Variants in CEMIP observed in about 807,000 individuals in gnomAD.
CEMIP encodes cell migration inducing hyaluronidase 1.
In CEMIP, 105 loss-of-function variants were observed where a neutral mutation model predicts 156.9. That is an observed-to-expected ratio of 0.67 (90% CI 0.57 to 0.79). The LOEUF is 0.79. Ranked by LOEUF, CEMIP falls within the 30% of genes least tolerant of loss-of-function variation. The pLI is 0.00. For synonymous variants in CEMIP, 676 were observed against 668.4 expected (o/e 1.01, Z -0.17); for missense variants, 1,457 against 1,769.4 (o/e 0.82, Z 3.17).
intron 1 of CEMIP, among the ~76,000 whole-genome samples, chr15:80,793,097 A>T: frequency 6.6e-6 from 1 of 152,210 alleles, no homozygotes; most frequent in East Asian, 1.9e-4. Flanking sequence ...CCTGGCTCAG[A>T]ATATCACATT....
Position 80,879,757 on chromosome 15 carries a change from C to T in CEMIP, c.283C>T (p.Arg95Ter), listed in dbSNP as rs894403082. The change falls in exon 5 of 30, where the codon CGA becomes TGA. Residue 95 changes from arginine (R) to a stop codon, truncating the protein, a stop_gained. Transcript: ENST00000394685. LOFTEE classifies it high-confidence loss of function. ...IKDHDEPIVL[R>*]TRHILIDNGG... ...AGACCACGACGAGCCGATTGTTTTG[C>T]GAACCCGGCACATCCTGATTGACAA... 8 of 1,614,176 alleles carry T rather than the reference C, an allele frequency of 5.0e-6. No homozygotes were observed. Among genetic ancestry groups the T allele is most frequent in the East Asian group, 2.2e-5 (1 of 44,888 alleles).
In CEMIP at chr15:80,909,038, G is replaced by C. The variant is rs543877583; in HGVS notation, c.1588-59G>C. On this transcript the variant is annotated intron_variant, in intron 13 of 29. Coordinates refer to ENST00000394685, the MANE Select transcript of CEMIP (RefSeq NM_001293298.2). ...CTGCATCTTTGGAATATGGGCACCA[G>C]CCAGGGAAATCACAAAGCATCTCAT... 1.2e-4 allele frequency: 191 copies of C among 1,529,502 alleles called. 1 individual carries two copies. In the African/African-American group the frequency reaches 2.3e-3, roughly 18 times the overall value. The allele number at this position is 1,529,502 out of a possible 1,614,324, so 94.7% of individuals were successfully genotyped here. A position where few individuals can be genotyped will look rare whatever the true frequency, so the allele number is the denominator to read the frequency against.
intron 1 of CEMIP, among the ~76,000 whole-genome samples, chr15:80,793,074 A>G (rs1225194062): frequency 1.3e-5 from 2 of 152,236 alleles, no homozygotes; most frequent in Non-Finnish European, 2.9e-5. Flanking sequence ...CAGACTTGCT[A>G]GTATCTCTGT....
intron 1 of CEMIP, among the ~76,000 whole-genome samples, chr15:80,871,557 C>T (rs1311709310): frequency 6.6e-6 from 1 of 152,206 alleles, no homozygotes; most frequent in Admixed American, 6.5e-5. Flanking sequence ...GGTCACCCAA[C>T]AAGTTAGGGC....
intron 1 of CEMIP, among the ~76,000 whole-genome samples, chr15:80,780,031 G>A (rs573312229): frequency 2.0e-5 from 3 of 151,832 alleles, no homozygotes. Context: ...GTGTCCTGCC[G>A]ACTGGGAGCC....
rs573252247 is a variant in CEMIP at position 80,837,410 on chromosome 15, G to T, written c.-175-36128G>T. 3.3e-5 allele frequency among the ~76,000 whole-genome samples: 5 copies of T among 152,264 alleles called. No individual in the cohort carries two copies. In the South Asian group the frequency reaches 6.2e-4, roughly 19 times the overall value. ...GAAGAGGAGTTCAAAATGACAAGAC[G>T]CAAAGAACACCATTCTTTATGGCAA... On this transcript the variant is annotated intron_variant, in intron 1 of 29. Transcript: ENST00000394685.
intron 12 of CEMIP, chr15:80,900,981 T>C (rs1567091284): frequency 6.6e-6 from 3 of 455,706 alleles, no homozygotes; most frequent in East Asian, 7.0e-5. Flanking sequence ...GGGAAACAGA[T>C]GGGGGTAACA....
At chr15:80,852,913 G>A (rs961461481) in intron 1 of CEMIP, among the ~76,000 whole-genome samples, 1 of 152,128 alleles carries the variant, frequency 6.6e-6, no homozygotes, top group African/African-American at 2.4e-5. Flanking sequence ...TAGCTGAGGG[G>A]CAAAATGTCC....
rs11403997 is a variant in CEMIP, at chr15:80,866,786, TA to T, written c.-175-6738del. Among the ~76,000 whole-genome samples, 220 of 135,910 alleles carry T rather than the reference TA, an allele frequency of 1.6e-3. 1 individual carries two copies. The highest frequency in any genetic ancestry group is 7.0e-3 in the East Asian group (33 of 4,702). The allele number at this position is 135,910 out of a possible 152,430, so 89.2% of individuals were successfully genotyped here. On this transcript the variant is annotated intron_variant, in intron 1 of 29. Coordinates refer to ENST00000394685, the MANE Select transcript of CEMIP (RefSeq NM_001293298.2). ...GGGCAACAAGAACAAAACTCTGTCT[TA>T]AAAAAAAAAAAAAGACTCTATGGAT...
chr15:80,814,231 AG>A (rs1567056652), intron 1 of CEMIP, among the ~76,000 whole-genome samples: 1 of 151,712 alleles, frequency 6.6e-6, no homozygotes, highest in Middle Eastern at 3.2e-3. Context: ...TTGTATTTTT[AG>A]TAGAGACGGG....
At chr15:80,849,840 GC>G (rs917326317) in intron 1 of CEMIP, among the ~76,000 whole-genome samples, 2 of 152,176 alleles carry the variant, frequency 1.3e-5, no homozygotes, top group Non-Finnish European at 2.9e-5. Flanking sequence ...GCAAGTGAAG[GC>G]AGAGAGACAG....
chr15:80,929,501 A>G (rs561894186), intron 21 of CEMIP, among the ~76,000 whole-genome samples: 4 of 152,250 alleles, frequency 2.6e-5, no homozygotes, highest in African/African-American at 7.2e-5. Context: ...TCTCACTTGG[A>G]GTGTAGCATC....
chr15:80,895,835 G>A, intron 11 of CEMIP, 34 bp from the exon 12 acceptor site: 1 of 1,609,476 alleles, frequency 6.2e-7, no homozygotes, highest in African/African-American at 1.3e-5. Flanking sequence ...AGAGCAAAGG[G>A]CTCTATCTCA....
rs370119923 is a variant in CEMIP at position 80,921,070 on chromosome 15, A to G, written c.2042A>G (p.Asn681Ser). Residue 681 changes from asparagine (N) to serine (S), a missense_variant, in exon 16 of 30, where the codon AAC (asparagine) becomes AGC (serine). By Grantham distance (46) the Asn-to-Ser change is conservative. Around this residue, in one of 5 missense-constraint regions of CEMIP, gnomAD observed 798 missense variants for 980.1 expected, o/e 0.81. Coordinates refer to ENST00000394685, the MANE Select transcript of CEMIP (RefSeq NM_001293298.2). The part of the protein sequence containing the change: ...STFWMANPNN[N>S]LINCAAAGSE... Reference sequence around the variant, plus strand: ...TTCTGGATGGCCAATCCCAACAACAACCTCATCAACTGTGCCGCTGCAGGA... The same window carrying G: ...TTCTGGATGGCCAATCCCAACAACAGCCTCATCAACTGTGCCGCTGCAGGA... 8.1e-6 allele frequency: 13 copies of G among 1,613,894 alleles called. No homozygotes were observed. The highest frequency in any genetic ancestry group is 1.7e-5 in the Admixed American group (1 of 60,018).
chr15:80,854,012 CAG>C (rs953134283), intron 1 of CEMIP, among the ~76,000 whole-genome samples: 1 of 152,224 alleles, frequency 6.6e-6, no homozygotes, highest in Admixed American at 6.5e-5. Flanking sequence ...AGCAAACTGA[CAG>C]AGGCAGGAAC....
At chr15:80,788,839 A>G (rs1896010411) in intron 1 of CEMIP, among the ~76,000 whole-genome samples, 1 of 152,090 alleles carries the variant, frequency 6.6e-6, no homozygotes, top group African/African-American at 2.4e-5. Context: ...CCCCATGCTC[A>G]CGGCCAGACG....
intron 28 of CEMIP, among the ~76,000 whole-genome samples, chr15:80,945,966 C>T (rs1183105234): frequency 6.6e-6 from 1 of 152,238 alleles, no homozygotes; most frequent in Non-Finnish European, 1.5e-5. Flanking sequence ...CACATTGCTC[C>T]AAACCTCTGT....
intron 28 of CEMIP, among the ~76,000 whole-genome samples, chr15:80,944,073 T>C (rs1166685674): frequency 6.6e-6 from 1 of 151,828 alleles, no homozygotes; most frequent in Non-Finnish European, 1.5e-5. Flanking sequence ...AGGTCAGGAG[T>C]TTGACATCAG....
chr15:80,904,439 T>A (rs1899706661), intron 12 of CEMIP, among the ~76,000 whole-genome samples: 2 of 152,184 alleles, frequency 1.3e-5, no homozygotes, highest in Admixed American at 1.3e-4. Context: ...TAATGACCCC[T>A]AAATATATTC....
Sources: gnomAD v4.1 joint callset for allele counts (sites outside exome capture counted in the v4.1 genomes callset) on GRCh38, gnomAD v4.1.1 for gene constraint, gnomAD v4.1.1 regional missense constraint, MANE v1.5 for transcripts, NCBI Gene and HGNC (gene_info 2026-07-23, HGNC 2026-07-21) for gene names.